The following CIMIP7 variants were observed in gnomAD, a reference collection of about 807,000 sequenced individuals.
The protein encoded by CIMIP7 is ciliary microtubule inner protein 7, also known as uncharacterized protein C3orf84.
At chr3:49,177,647 T>C in the CIMIP7 span, 1 of 1,581,922 alleles carries the variant, frequency 6.3e-7, no homozygotes, top group South Asian at 1.1e-5. Context: ...CAGCTGTCCT[T>C]GTTTAATGCT....
At chr3:49,188,164 G>A in the CIMIP7 span, among the ~76,000 whole-genome samples, 2 of 152,224 alleles carry the variant, frequency 1.3e-5, no homozygotes, top group Non-Finnish European at 2.9e-5. Context: ...TCTGGGCCTG[G>A]CTTGGTAGGC....
the CIMIP7 span, among the ~76,000 whole-genome samples, chr3:49,179,036 G>C: frequency 6.6e-6 from 1 of 152,072 alleles, no homozygotes; most frequent in Non-Finnish European, 1.5e-5. Flanking sequence ...CCATGTAAAT[G>C]CCTAATTGAG....
the CIMIP7 span, among the ~76,000 whole-genome samples, chr3:49,190,497 ATTT>A: frequency 1.4e-5 from 2 of 139,300 alleles, no homozygotes; most frequent in East Asian, 2.1e-4. Context: ...TCTCTCCACA[ATTT>A]TTTTTTTTTT....
At chr3:49,182,642 G>T in the CIMIP7 span, among the ~76,000 whole-genome samples, 2 of 152,224 alleles carry the variant, frequency 1.3e-5, no homozygotes, top group Non-Finnish European at 2.9e-5. Context: ...GGAGCTGCCT[G>T]CCAGTCCCGC....
the CIMIP7 span, among the ~76,000 whole-genome samples, chr3:49,181,343 GA>G: frequency 0.039 from 4,884 of 126,548 alleles, 228 homozygotes; most frequent in African/African-American, 0.11. Context: ...CTATCTCCAA[GA>G]AAAAAAAAAA....
chr3:49,180,379 TC>T, the CIMIP7 span, among the ~76,000 whole-genome samples: 3 of 152,210 alleles, frequency 2.0e-5, no homozygotes, highest in African/African-American at 4.8e-5. Context: ...CTCTTAGGCC[TC>T]CAGACTTCAG....
chr3:49,189,913 C>T, the CIMIP7 span: 2 of 825,004 alleles, frequency 2.4e-6, no homozygotes, highest in Admixed American at 1.7e-5. Flanking sequence ...TAAAGCCTGT[C>T]CCAGGGATAG....
chr3:49,180,871 A>G, the CIMIP7 span, among the ~76,000 whole-genome samples: 1 of 137,446 alleles, frequency 7.3e-6, no homozygotes, highest in African/African-American at 2.7e-5. Context: ...TGGAGCTTGT[A>G]GTTAGCTGAG....
At chr3:49,181,522 G>C in the CIMIP7 span, among the ~76,000 whole-genome samples, 1 of 152,134 alleles carries the variant, frequency 6.6e-6, no homozygotes, top group African/African-American at 2.4e-5. Context: ...GCCAGGCGTG[G>C]TGGTGCATAC....
chr3:49,180,298 C>T, the CIMIP7 span, among the ~76,000 whole-genome samples: 2 of 152,126 alleles, frequency 1.3e-5, no homozygotes, highest in Non-Finnish European at 2.9e-5. Context: ...AAGGTCCTGG[C>T]CCCAGGGCAT....
chr3:49,178,512 G>T, the CIMIP7 span: 5 of 1,613,684 alleles, frequency 3.1e-6, no homozygotes, highest in Non-Finnish European at 4.2e-6. Flanking sequence ...TGTCGTGCTT[G>T]GAGAAGAAGT....
the CIMIP7 span, among the ~76,000 whole-genome samples, chr3:49,185,999 CTTTTTTT>C: frequency 1.4e-4 from 18 of 129,218 alleles, no homozygotes; most frequent in East Asian, 2.9e-3. Context: ...TTTTATAGCT[CTTTTTTT>C]TTTTTTTTTT....
chr3:49,178,300 T>C, the CIMIP7 span, among the ~76,000 whole-genome samples: 1 of 152,162 alleles, frequency 6.6e-6, no homozygotes, highest in Non-Finnish European at 1.5e-5. Flanking sequence ...CATAGAGATG[T>C]CTCTGTTTGG....
the CIMIP7 span, chr3:49,177,825 G>A: frequency 1.2e-6 from 2 of 1,613,084 alleles, no homozygotes; most frequent in Admixed American, 1.7e-5. Flanking sequence ...AGTTCTGCTG[G>A]TAGGTGGTCC....
At chr3:49,191,825 A>G in the CIMIP7 span, 1 of 1,517,292 alleles carries the variant, frequency 6.6e-7, no homozygotes. Flanking sequence ...TTTGGAGGGT[A>G]TCTTCAGGAA....
chr3:49,190,255 T>C, the CIMIP7 span: 9 of 652,466 alleles, frequency 1.4e-5, no homozygotes. Context: ...TCATGGAAGT[T>C]CCTGACAGAA....
chr3:49,183,265 T>C, the CIMIP7 span, among the ~76,000 whole-genome samples: 4 of 152,178 alleles, frequency 2.6e-5, no homozygotes, highest in African/African-American at 4.8e-5. Flanking sequence ...ATGGCTCCAA[T>C]TGAAAATGGA....
the CIMIP7 span, among the ~76,000 whole-genome samples, chr3:49,191,021 G>A: frequency 6.6e-6 from 1 of 152,106 alleles, no homozygotes. Flanking sequence ...GCAACTATCA[G>A]AGGTCCAAGA....
chr3:49,178,024 C>T, the CIMIP7 span: 6 of 1,607,278 alleles, frequency 3.7e-6, no homozygotes, highest in Non-Finnish European at 5.1e-6. Flanking sequence ...CTTCCGCCTT[C>T]CGATTCCCTG....
Sources: gnomAD v4.1 joint callset for allele counts (sites outside exome capture counted in the v4.1 genomes callset) on GRCh38, gnomAD v4.1.1 for gene constraint, MANE v1.5 for transcripts, NCBI Gene and HGNC (gene_info 2026-07-23, HGNC 2026-07-21) for gene names.